Variants in CNTN5 observed in about 807,000 individuals in gnomAD.
The protein encoded by CNTN5 is contactin-5.
In CNTN5, 77 loss-of-function variants were observed where a neutral mutation model predicts 129.1. That is an observed-to-expected ratio of 0.60 (90% CI 0.50 to 0.72). The LOEUF (loss-of-function observed/expected upper bound fraction) is 0.72, where lower values mean the gene tolerates loss of function less well. Ranked by LOEUF, CNTN5 falls within the 30% of genes least tolerant of loss-of-function variation. CNTN5 has a pLI of 0.00. For synonymous variants in CNTN5, 509 were observed against 465.6 expected, an observed-to-expected ratio of 1.09 and a Z score of -1.20; for missense variants, 1,478 against 1,328.8, an observed-to-expected ratio of 1.11 and a Z score of -1.75.
At chr11:99,277,566 G>A (rs1472657013) in intron 1 of CNTN5, among the ~76,000 whole-genome samples, 1 of 151,564 alleles carries the variant, frequency 6.6e-6, no homozygotes, top group African/African-American at 2.4e-5. Context: ...GGGACATTGT[G>A]TTTGTAGTTC....
intron 2 of CNTN5, among the ~76,000 whole-genome samples, chr11:99,518,353 A>T (rs1312099635): frequency 6.6e-6 from 1 of 152,144 alleles, no homozygotes; most frequent in African/African-American, 2.4e-5. Context: ...TATTTAACCG[A>T]TAAAACAGAG....
chr11:99,536,926 C>A (rs920401868), intron 2 of CNTN5, among the ~76,000 whole-genome samples: 3 of 150,600 alleles, frequency 2.0e-5, no homozygotes, highest in East Asian at 2.0e-4. Context: ...TATATGTAAT[C>A]CAAAAATAGA....
chr11:100,082,552 A>C (rs1239474622), intron 13 of CNTN5, among the ~76,000 whole-genome samples: 2 of 152,206 alleles, frequency 1.3e-5, no homozygotes, highest in African/African-American at 4.8e-5. Flanking sequence ...TTGACCTCCC[A>C]AATTGCTAAG....
At chr11:100,169,498 C>A (rs1048135627) in intron 13 of CNTN5, among the ~76,000 whole-genome samples, 8 of 151,988 alleles carry the variant, frequency 5.3e-5, no homozygotes, top group Admixed American at 1.3e-4. Flanking sequence ...ACGGTGAAGA[C>A]CCTTCACCAG....
intron 18 of CNTN5, among the ~76,000 whole-genome samples, chr11:100,292,378 A>T (rs1951007584): frequency 6.6e-6 from 1 of 151,962 alleles, no homozygotes; most frequent in Non-Finnish European, 1.5e-5. Flanking sequence ...ACCCTATTCA[A>T]ACCTATCTTC....
intron 1 of CNTN5, among the ~76,000 whole-genome samples, chr11:99,183,691 A>G (rs1025748191): frequency 2.0e-5 from 3 of 152,026 alleles, no homozygotes; most frequent in Admixed American, 2.0e-4. Flanking sequence ...TTGCTCAGGT[A>G]ATCTCATTTA....
chr11:99,414,285 G>A (rs2656213), intron 2 of CNTN5, among the ~76,000 whole-genome samples: 1 of 151,942 alleles, frequency 6.6e-6, no homozygotes, highest in Non-Finnish European at 1.5e-5. Context: ...TTAAATTCTA[G>A]AAAGTTTTGA....
At chr11:100,183,789 A>G (rs1948212150) in intron 13 of CNTN5, among the ~76,000 whole-genome samples, 1 of 152,156 alleles carries the variant, frequency 6.6e-6, no homozygotes, top group East Asian at 1.9e-4. Context: ...AACTCAGTAA[A>G]GTTGTTGAAA....
Position 99,592,820 on chromosome 11 carries a change from G to T in CNTN5, c.55+36551G>T, listed in dbSNP as rs576638439. On this transcript the variant is annotated intron_variant, in intron 3 of 24. Transcript: ENST00000524871. ...ACTGTAGGAGGTGAGTGGGAAGAAT[G>T]TGAGGAGGTGAATATAGTAGTCTGA... Among the ~76,000 whole-genome samples, 19 of 152,298 alleles carry T rather than the reference G, an allele frequency of 1.2e-4. No individual in the cohort carries two copies. The East Asian group carries it at 3.7e-3, about 29-fold the overall frequency.
intron 1 of CNTN5, among the ~76,000 whole-genome samples, chr11:99,170,999 C>T (rs1161293585): frequency 6.6e-6 from 1 of 152,114 alleles, no homozygotes; most frequent in African/African-American, 2.4e-5. Context: ...AAAGTCAAGA[C>T]CTACAGAAGT....
intron 3 of CNTN5, among the ~76,000 whole-genome samples, chr11:99,666,141 T>G (rs1210514497): frequency 6.6e-6 from 1 of 152,084 alleles, no homozygotes; most frequent in East Asian, 1.9e-4. Flanking sequence ...CTGATTTTTG[T>G]ATTTTTAGTG....
chr11:99,569,393 A>G (rs112103057), intron 3 of CNTN5, among the ~76,000 whole-genome samples: 1 of 152,120 alleles, frequency 6.6e-6, no homozygotes, highest in African/African-American at 2.4e-5. Flanking sequence ...GCCTCACTGC[A>G]AGCTCCGCCT....
At chr11:99,897,895 G>C (rs983250143) in intron 6 of CNTN5, among the ~76,000 whole-genome samples, 2 of 152,084 alleles carry the variant, frequency 1.3e-5, no homozygotes, top group African/African-American at 4.8e-5. Context: ...GTCTTCAGGA[G>C]ACCTATCTCA....
chr11:100,265,602 T>A (rs1165580548), intron 17 of CNTN5, among the ~76,000 whole-genome samples: 1 of 152,150 alleles, frequency 6.6e-6, no homozygotes, highest in Non-Finnish European at 1.5e-5. Context: ...ATGCAATTGA[T>A]AATCTACTAC....
intron 3 of CNTN5, among the ~76,000 whole-genome samples, chr11:99,713,338 A>G (rs546243386): frequency 3.9e-5 from 6 of 152,138 alleles, no homozygotes; most frequent in African/African-American, 1.4e-4. Flanking sequence ...ATTTTTGCAC[A>G]TTGACTTTGT....
chr11:99,387,259 AT>A (rs1424278663), intron 2 of CNTN5, among the ~76,000 whole-genome samples: 1 of 151,996 alleles, frequency 6.6e-6, no homozygotes, highest in Non-Finnish European at 1.5e-5. Flanking sequence ...CCAAAATTTC[AT>A]TTTCCCCCAG....
At chr11:99,497,277 A>G (rs1946261705) in intron 2 of CNTN5, among the ~76,000 whole-genome samples, 1 of 152,230 alleles carries the variant, frequency 6.6e-6, no homozygotes, top group Admixed American at 6.5e-5. Context: ...CTAAAAACCT[A>G]ATAAACTAGG....
chr11:99,925,166 T>G (rs927891229), intron 7 of CNTN5, among the ~76,000 whole-genome samples: 1 of 152,194 alleles, frequency 6.6e-6, no homozygotes, highest in Non-Finnish European at 1.5e-5. Flanking sequence ...TGTGGTGGTA[T>G]GCATATCCAT....
At chr11:99,181,755 G>C (rs923900216) in intron 1 of CNTN5, among the ~76,000 whole-genome samples, 4 of 152,184 alleles carry the variant, frequency 2.6e-5, no homozygotes, top group African/African-American at 9.6e-5. Flanking sequence ...GGCAGGATCT[G>C]ATGGACACTG....
Sources: gnomAD v4.1 joint callset for allele counts (sites outside exome capture counted in the v4.1 genomes callset) on GRCh38, gnomAD v4.1.1 for gene constraint, MANE v1.5 for transcripts, NCBI Gene and HGNC (gene_info 2026-07-23, HGNC 2026-07-21) for gene names.